Variants in P3H2 observed in about 807,000 individuals in gnomAD.
The protein encoded by P3H2 is leprecan-like 1.
P3H2 carries 80 observed loss-of-function variants against 87.0 expected under a neutral mutation model. The observed-to-expected ratio is 0.92, with a 90% CI of 0.77 to 1.11. The LOEUF (loss-of-function observed/expected upper bound fraction) is 1.11. Ranked by LOEUF, P3H2 falls within the 50% of genes least tolerant of loss-of-function variation. The pLI is 0.00. For missense variants in P3H2, 1,001 were observed against 923.9 expected, an observed-to-expected ratio of 1.08 and a Z score of -1.08; for synonymous variants, 367 against 359.3, an observed-to-expected ratio of 1.02 and a Z score of -0.24.
intron 14 of P3H2, among the ~76,000 whole-genome samples, chr3:189,959,502 G>A (rs1722747421): frequency 6.9e-6 from 1 of 145,966 alleles, no homozygotes; most frequent in Admixed American, 7.1e-5. Flanking sequence ...GAGAATATGT[G>A]GTGTTTGTTC....
chr3:189,997,679 ATTAAATCTTGCCTGAAATGAGCTCT>A (rs1208465931), intron 1 of P3H2, among the ~76,000 whole-genome samples: 1 of 152,250 alleles, frequency 6.6e-6, no homozygotes, highest in East Asian at 1.9e-4. Context: ...CTTTCCTTCC[ATTAAATCTTGCCTGAAATGAGCTCT>A]TCCTGCCACT....
At chr3:190,085,264 G>A (rs955139642) in intron 1 of P3H2, among the ~76,000 whole-genome samples, 3 of 152,178 alleles carry the variant, frequency 2.0e-5, no homozygotes, top group African/African-American at 7.2e-5. Context: ...CATTGGTGAT[G>A]TCTGCTGTTT....
At chr3:189,998,178 CATAAT>C (rs79854919) in intron 1 of P3H2, among the ~76,000 whole-genome samples, 14,017 of 152,044 alleles carry the variant, frequency 0.092, 998 homozygotes, top group East Asian at 0.23. Flanking sequence ...CCCATGAACA[CATAAT>C]ATAAGAGGAT....
At chr3:190,111,940 A>T (rs1712084257) in intron 1 of P3H2, among the ~76,000 whole-genome samples, 1 of 152,184 alleles carries the variant, frequency 6.6e-6, no homozygotes, top group Admixed American at 6.5e-5. Context: ...GAAAAGTAAA[A>T]CTTGCTGAAA....
At chr3:190,115,813 C>G (rs1712267190) in intron 1 of P3H2, among the ~76,000 whole-genome samples, 1 of 152,066 alleles carries the variant, frequency 6.6e-6, no homozygotes, top group South Asian at 2.1e-4. Context: ...ATTATTCATT[C>G]AACAAACATA....
At chr3:189,994,736 A>G (rs2222442) in intron 2 of P3H2, among the ~76,000 whole-genome samples, 30,504 of 148,576 alleles carry the variant, frequency 0.21, 3,444 homozygotes, top group Non-Finnish European at 0.26. Flanking sequence ...CTACATGTTG[A>G]GAATGGTGAT....
intron 1 of P3H2, among the ~76,000 whole-genome samples, chr3:189,998,520 C>T (rs906564908): frequency 6.6e-6 from 1 of 152,142 alleles, no homozygotes; most frequent in African/African-American, 2.4e-5. Flanking sequence ...TACTCTCAAC[C>T]TGTTCCTTTA....
intron 1 of P3H2, among the ~76,000 whole-genome samples, chr3:190,007,119 GT>G (rs958671639): frequency 1.4e-4 from 22 of 152,290 alleles, no homozygotes; most frequent in Admixed American, 8.5e-4. Context: ...GGAGGAGAGT[GT>G]AAGACTGGAG....
chr3:190,033,413 T>A (rs1257663159), intron 1 of P3H2, among the ~76,000 whole-genome samples: 1 of 152,226 alleles, frequency 6.6e-6, no homozygotes, highest in Non-Finnish European at 1.5e-5. Flanking sequence ...GAGAAATCTG[T>A]GAAAGAAAAT....
chr3:190,045,928 T>C (rs1300764130), intron 1 of P3H2, among the ~76,000 whole-genome samples: 11 of 152,104 alleles, frequency 7.2e-5, no homozygotes, highest in East Asian at 1.9e-4. Flanking sequence ...GAGACCATCC[T>C]GGCTAACATG....
intron 1 of P3H2, among the ~76,000 whole-genome samples, chr3:190,005,015 CAAATCATTTGTCAA>C (rs141642298): frequency 0.02 from 3,111 of 151,778 alleles, 112 homozygotes; most frequent in African/African-American, 0.072. Flanking sequence ...TCACTTGTCA[CAAATCATTTGTCAA>C]AAATCATATG....
chr3:190,052,980 CTT>C (rs988981181), intron 1 of P3H2, among the ~76,000 whole-genome samples: 5 of 152,134 alleles, frequency 3.3e-5, no homozygotes, highest in African/African-American at 9.7e-5. Flanking sequence ...TTTTATAAAA[CTT>C]TATATGAAAA....
chr3:190,023,717 A>T (rs1452166214), intron 1 of P3H2, among the ~76,000 whole-genome samples: 1 of 152,146 alleles, frequency 6.6e-6, no homozygotes, highest in African/African-American at 2.4e-5. Flanking sequence ...ATCTATGTAA[A>T]ATTTGTTGGC....
chr3:189,997,425 G>A (rs990898548), intron 1 of P3H2, among the ~76,000 whole-genome samples: 2 of 152,154 alleles, frequency 1.3e-5, no homozygotes, highest in African/African-American at 4.8e-5. Context: ...AAAACTAATT[G>A]TTGCTGAACA....
At chr3:189,982,840 T>A (rs529441305) in intron 8 of P3H2, among the ~76,000 whole-genome samples, 1 of 147,678 alleles carries the variant, frequency 6.8e-6, no homozygotes, top group South Asian at 2.1e-4. Context: ...TCTTTTTTTC[T>A]TTTTTTTTGA....
In P3H2 at chr3:189,993,414, T is replaced by C. The variant is rs116193281; in HGVS notation, c.823+680A>G. 7.8e-3 allele frequency among the ~76,000 whole-genome samples: 1,194 copies of C among 152,242 alleles called. 11 individuals carry two copies. The highest frequency in any genetic ancestry group is 0.026 in the African/African-American group (1,095 of 41,538). ...CTAACAGTTTTATATTTTACACTTATATTGTTATTACAAATACAATTTATT... is the reference window on the plus strand; with the variant it reads ...CTAACAGTTTTATATTTTACACTTACATTGTTATTACAAATACAATTTATT... On this transcript the variant is annotated intron_variant, in intron 3 of 14. Coordinates refer to ENST00000319332, the MANE Select transcript of P3H2 (RefSeq NM_018192.4).
chr3:190,004,290 A>G (rs995593067), intron 1 of P3H2, among the ~76,000 whole-genome samples: 1 of 152,238 alleles, frequency 6.6e-6, no homozygotes, highest in Non-Finnish European at 1.5e-5. Context: ...ACAGCTTCAA[A>G]AAGCTAGATG....
intron 1 of P3H2, among the ~76,000 whole-genome samples, chr3:190,006,100 T>G (rs180847297): frequency 6.6e-6 from 1 of 152,198 alleles, no homozygotes; most frequent in African/African-American, 2.4e-5. Flanking sequence ...AGAAAGAAAG[T>G]TCTAGTCCAT....
Position 189,971,897 on chromosome 3 carries a change from C to T in P3H2, c.1810G>A (p.Asp604Asn), listed in dbSNP as rs750399615. 15 of 1,594,494 alleles carry T rather than the reference C, an allele frequency of 9.4e-6. No homozygotes were observed. The highest frequency in any genetic ancestry group is 1.2e-5 in the Non-Finnish European group (14 of 1,162,096). ...WKEPPAYTFR[D>N]YSALLYMNDD... ...AGCAGGTTCTAGCTATACCTATAGT[C>T]TCGAAATGTGTAAGCAGGAGGCTCC... Residue 604 changes from aspartate to asparagine, a missense_variant, in exon 12 of 15, where the codon GAC (aspartate) becomes AAC (asparagine). Coordinates refer to ENST00000319332, the MANE Select transcript of P3H2 (RefSeq NM_018192.4).
Sources: gnomAD v4.1 joint callset for allele counts (sites outside exome capture counted in the v4.1 genomes callset) on GRCh38, gnomAD v4.1.1 for gene constraint, MANE v1.5 for transcripts, NCBI Gene and HGNC (gene_info 2026-07-23, HGNC 2026-07-21) for gene names.